The following RHBDL3 variants were observed in gnomAD, a reference collection of about 807,000 sequenced individuals.
RHBDL3 encodes the protein rhomboid like 3.
In RHBDL3, 28 loss-of-function variants were observed where a neutral mutation model predicts 48.2. That is an observed-to-expected ratio of 0.58 (90% CI 0.43 to 0.80). The LOEUF is 0.80. Among genes scored for constraint, RHBDL3 ranks in the 30% least tolerant of loss-of-function variants. The probability of loss-of-function intolerance (pLI) is 0.00; values close to 1 mark genes in which losing one functional copy is unlikely to be tolerated. For missense variants in RHBDL3, 464 were observed against 542.7 expected, an observed-to-expected ratio of 0.85 and a Z score of 1.44; for synonymous variants, 208 against 232.3, an observed-to-expected ratio of 0.90 and a Z score of 0.95.
chr17:32,282,576 A>G, intron 2 of RHBDL3, among the ~76,000 whole-genome samples: 1 of 152,164 alleles, frequency 6.6e-6, no homozygotes, highest in Non-Finnish European at 1.5e-5. Flanking sequence ...AAAACAAAAA[A>G]CAATAGACCT....
chr17:32,315,353 G>A (rs2150754501), intron 7 of RHBDL3, among the ~76,000 whole-genome samples: 1 of 152,354 alleles, frequency 6.6e-6, no homozygotes, highest in East Asian at 1.9e-4. Context: ...ATAGTGCTTT[G>A]AATGCACTGC....
intron 7 of RHBDL3, among the ~76,000 whole-genome samples, chr17:32,306,953 T>G (rs1279509042): frequency 6.6e-6 from 1 of 152,056 alleles, no homozygotes; most frequent in African/African-American, 2.4e-5. Context: ...AGTAATAGAA[T>G]GACATACAGT....
chr17:32,285,519 T>C (rs369505061), intron 3 of RHBDL3, among the ~76,000 whole-genome samples: 9 of 151,916 alleles, frequency 5.9e-5, no homozygotes, highest in African/African-American at 2.2e-4. Context: ...TGCCCAGCGG[T>C]CTGTTATCTC....
intron 6 of RHBDL3, among the ~76,000 whole-genome samples, chr17:32,303,015 A>G (rs117629335): frequency 0.022 from 3,329 of 152,294 alleles, 48 homozygotes; most frequent in South Asian, 0.054. Context: ...AAGCCCAAAG[A>G]ATTCAGGGAC....
chr17:32,309,416 G>A (rs565436992), intron 7 of RHBDL3, among the ~76,000 whole-genome samples: 73 of 152,180 alleles, frequency 4.8e-4, no homozygotes, highest in Admixed American at 3.4e-3. Flanking sequence ...GCTGGGTGTG[G>A]TGGTGCATAC....
At chr17:32,320,057 G>A (rs997037407) in intron 8 of RHBDL3, among the ~76,000 whole-genome samples, 3 of 151,816 alleles carry the variant, frequency 2.0e-5, no homozygotes, top group African/African-American at 7.3e-5. Context: ...AAACTCACTT[G>A]AGCCCAGGAG....
In RHBDL3 at chr17:32,323,306, A is replaced by G. The variant is rs984544566; in HGVS notation, c.*2077A>G. 6.6e-6 allele frequency: 1 copy of G among 152,228 alleles called. No individual in the cohort carries two copies. Among genetic ancestry groups the G allele is most frequent in the Non-Finnish European group, 1.5e-5 (1 of 68,074 alleles). The allele number at this position is 152,228 out of a possible 1,614,324, so 9.4% of individuals were successfully genotyped here. On this transcript the variant is annotated 3_prime_UTR_variant, in exon 9 of 9. Coordinates refer to ENST00000269051, the MANE Select transcript of RHBDL3 (RefSeq NM_138328.3). ...ACCGTTCTCTGCCCTAGTGATAGAA[A>G]GATGTAGATGGAAGTCAGTGCCTCA...
chr17:32,320,110 A>G (rs1021724395), intron 8 of RHBDL3, among the ~76,000 whole-genome samples: 2 of 151,936 alleles, frequency 1.3e-5, no homozygotes, highest in African/African-American at 4.8e-5. Flanking sequence ...TCTACAAAAA[A>G]AAAAATTTTT....
At position 32,288,031 on chromosome 17, in the gene RHBDL3, T is replaced by C. The variant is rs999788351; in HGVS notation, c.295-761T>C. On this transcript the variant is annotated intron_variant, in intron 3 of 8. Coordinates refer to ENST00000269051, the MANE Select transcript of RHBDL3 (RefSeq NM_138328.3). ...CCAGGTGGAGCTCTGCAGCCAGTCTTTGGGCTTGCTGGGCATTCCAGGTCC... is the reference window on the plus strand; with the variant it reads ...CCAGGTGGAGCTCTGCAGCCAGTCTCTGGGCTTGCTGGGCATTCCAGGTCC... Among the ~76,000 whole-genome samples the C allele has an allele frequency of 1.1e-4, 16 of 152,166 alleles. 1 individual carries two copies. Among genetic ancestry groups the C allele is most frequent in the Admixed American group, 1.0e-3 (16 of 15,288 alleles).
chr17:32,291,461 C>T (rs1338152592), intron 4 of RHBDL3, among the ~76,000 whole-genome samples: 1 of 151,196 alleles, frequency 6.6e-6, no homozygotes, highest in African/African-American at 2.4e-5. Context: ...GCGGGTGGGT[C>T]ATTGAGGTCA....
At chr17:32,311,234 C>G (rs1375714505) in intron 7 of RHBDL3, among the ~76,000 whole-genome samples, 1 of 152,226 alleles carries the variant, frequency 6.6e-6, no homozygotes. Flanking sequence ...CCCCAAAGAT[C>G]TGCAGGCTTT....
At chr17:32,301,420 C>T (rs930717277) in intron 6 of RHBDL3, among the ~76,000 whole-genome samples, 1 of 145,992 alleles carries the variant, frequency 6.8e-6, no homozygotes, top group East Asian at 2.1e-4. Flanking sequence ...AAAAAAAAAT[C>T]AATATCACCA....
In RHBDL3 at chr17:32,305,422, A is replaced by T; in HGVS notation, c.863A>T (p.His288Leu). Residue 288 changes from histidine (H) to leucine (L), a missense_variant, in exon 7 of 9, where the codon CAT becomes CTT. Coordinates refer to ENST00000269051, the MANE Select transcript of RHBDL3 (RefSeq NM_138328.3). The stretch of plus-strand genomic sequence containing the variant: ...GGGGTGTATGCTCTCGTCTCTGCCC[A>T]TCTGGCCAACATTGTCATGGTGAGC... ...SGGVYALVSA[H>L]LANIVMNWSG... is the part of the protein sequence containing the mutation. The T allele has an allele frequency of 6.2e-7, 1 of 1,612,534 alleles. No individual in the cohort carries two copies. Among genetic ancestry groups the T allele is most frequent in the African/African-American group, 1.3e-5 (1 of 74,974 alleles).
chr17:32,283,595 T>A (rs565299511), intron 2 of RHBDL3, among the ~76,000 whole-genome samples: 3 of 152,208 alleles, frequency 2.0e-5, no homozygotes, highest in Admixed American at 6.5e-5. Context: ...AGTGCTGGGA[T>A]TACAGGCTTG....
intron 7 of RHBDL3, among the ~76,000 whole-genome samples, chr17:32,306,879 C>G (rs1414455920): frequency 6.6e-6 from 1 of 152,122 alleles, no homozygotes; most frequent in Non-Finnish European, 1.5e-5. Context: ...AGAGATTGCA[C>G]CACTGCACAC....
chr17:32,274,721 A>G (rs2039852888), intron 2 of RHBDL3, among the ~76,000 whole-genome samples: 1 of 152,144 alleles, frequency 6.6e-6, no homozygotes, highest in Non-Finnish European at 1.5e-5. Context: ...ATAAAAAGGG[A>G]AAGTGAGGTT....
At chr17:32,296,709 T>C (rs2040460078) in intron 5 of RHBDL3, among the ~76,000 whole-genome samples, 1 of 152,114 alleles carries the variant, frequency 6.6e-6, no homozygotes, top group Non-Finnish European at 1.5e-5. Context: ...TATTAAGTTA[T>C]AAGATGTATA....
intron 6 of RHBDL3, among the ~76,000 whole-genome samples, chr17:32,298,937 G>A (rs1044991922): frequency 2.0e-5 from 3 of 152,214 alleles, no homozygotes; most frequent in Admixed American, 6.5e-5. Context: ...GGGAGGTGAG[G>A]TGGGTGAAGT....
Position 32,323,516 on chromosome 17 carries a change from G to A in RHBDL3, c.*2287G>A, listed in dbSNP as rs1193863591. 6.6e-6 allele frequency: 1 copy of A among 152,512 alleles called. No homozygotes were observed. The highest frequency in any genetic ancestry group is 1.5e-5 in the Non-Finnish European group (1 of 68,332). 9.4% of individuals were successfully genotyped at this position (152,512 alleles called of 1,614,324 possible). On this transcript the variant is annotated 3_prime_UTR_variant, in exon 9 of 9. Transcript: ENST00000269051. The stretch of plus-strand genomic sequence containing the variant: ...TCCTGGCCCCTGGGGATTCTGTGGT[G>A]TGGGTGGAATGAGCAGAGTGCCACC...
Sources: allele counts gnomAD v4.1 joint callset (sites outside exome capture counted in the v4.1 genomes callset), GRCh38; gene constraint gnomAD v4.1.1; transcripts MANE v1.5; gene names NCBI Gene and HGNC (gene_info 2026-07-23, HGNC 2026-07-21).